Variants in NSA2 observed in about 807,000 individuals in gnomAD.
NSA2 encodes ribosome biogenesis protein NSA2 homolog.
Under a neutral mutation model 34.8 loss-of-function variants are expected in NSA2, and 18 were observed. The ratio of observed to expected loss-of-function variants is 0.52; its 90% confidence interval spans 0.36 to 0.77. The LOEUF is 0.77. Ranked by LOEUF, NSA2 falls within the 30% of genes least tolerant of loss-of-function variation. The pLI, the probability that NSA2 is intolerant of heterozygous loss-of-function variation, is 0.00. For synonymous variants in NSA2, 79 were observed against 100.2 expected (o/e 0.79, Z 1.26); for missense variants, 188 against 314.7 (o/e 0.60, Z 3.05).
At chr5:74,774,899 C>T (rs1426665436) in intron 5 of NSA2, among the ~76,000 whole-genome samples, 1 of 152,098 alleles carries the variant, frequency 6.6e-6, no homozygotes, top group Non-Finnish European at 1.5e-5. Context: ...AGAAATAGAA[C>T]TATCTGTCCC....
At chr5:74,776,476 C>T in intron 5 of NSA2, 128 bp from the exon 6 acceptor site, 1 of 610,624 alleles carries the variant, frequency 1.6e-6, no homozygotes, top group Non-Finnish European at 3.0e-6. Context: ...ACACTGCAGC[C>T]TGGGGAATAA....
chr5:74,771,978 G>T (rs1161624085), intron 4 of NSA2, among the ~76,000 whole-genome samples: 3 of 152,244 alleles, frequency 2.0e-5, no homozygotes, highest in African/African-American at 7.2e-5. Context: ...CACCCCTGGG[G>T]AGAAACATAG....
chr5:74,771,243 G>A (rs539206654), intron 4 of NSA2, among the ~76,000 whole-genome samples: 15 of 151,010 alleles, frequency 9.9e-5, no homozygotes, highest in South Asian at 6.3e-4. Context: ...TCACGCCATT[G>A]CACTCCAGCC....
rs188664136 is a variant in NSA2 at position 74,778,498 on chromosome 5, T to C, written c.*1827T>C. ...CTGCTATAAGTAAATCTTTAATGAC[T>C]AGATGTTTTCCTTACCATCTACACT... On this transcript the variant is annotated 3_prime_UTR_variant, in exon 6 of 6. Transcript: ENST00000610426. 1.4e-3 allele frequency: 208 copies of C among 151,826 alleles called. 1 individual carries two copies. Among genetic ancestry groups the C allele is most frequent in the African/African-American group, 4.9e-3 (202 of 41,446 alleles). The allele number at this position is 151,826 out of a possible 1,614,324, so 9.4% of individuals were successfully genotyped here.
Position 74,776,711 on chromosome 5 carries a change from T to C in NSA2, c.*40T>C, listed in dbSNP as rs758906071. 1.0e-4 allele frequency: 97 copies of C among 969,220 alleles called. 2 individuals are homozygous for C. The Admixed American group carries it at 1.6e-3, about 16-fold the overall frequency. 60.0% of individuals were successfully genotyped at this position (969,220 alleles called of 1,614,324 possible). On this transcript the variant is annotated 3_prime_UTR_variant, in exon 6 of 6. Coordinates refer to ENST00000610426, the MANE Select transcript of NSA2 (RefSeq NM_014886.6). ...ATAATTATTGAGGACTACACACCAA[T>C]TGAAGAAACTGCCATTACTGTGATG...
rs575199102 is a variant in NSA2 at position 74,767,444 on chromosome 5, G to C, written c.3+81G>C. ...GAGGACTCTGGGGCGCTGGGGTAGG[G>C]GGTGAGCGGTGGTAGGCGGAAATGA... On this transcript the variant is annotated intron_variant, in intron 1 of 5. Coordinates refer to ENST00000610426, the MANE Select transcript of NSA2 (RefSeq NM_014886.6). The C allele has an allele frequency of 3.2e-6, 5 of 1,552,570 alleles. No homozygotes were observed. In the East Asian group the frequency reaches 1.1e-4, roughly 35 times the overall value.
intron 5 of NSA2, 37 bp downstream of exon 5, chr5:74,774,097 G>C (rs751489658): frequency 2.1e-6 from 3 of 1,420,356 alleles, no homozygotes. Context: ...GCTGTGTTCT[G>C]CAGTACTAAT....
chr5:74,768,304 A>G (rs1007211028), intron 1 of NSA2, among the ~76,000 whole-genome samples: 1 of 152,218 alleles, frequency 6.6e-6, no homozygotes, highest in Non-Finnish European at 1.5e-5. Context: ...TGAAGTTCCT[A>G]TACCTGCAGC....
chr5:74,779,779 T>C lies in NSA2; in HGVS notation c.*3108T>C, dbSNP rs1425704218. 1.3e-5 allele frequency: 2 copies of C among 152,212 alleles called. No homozygotes were observed. 9.4% of individuals were successfully genotyped at this position (152,212 alleles called of 1,614,324 possible). ...AAAATCTAACACAAATAGGAGCGTT[T>C]ACTATTTTTGTCTGCTTTAAGATTT... On this transcript the variant is annotated 3_prime_UTR_variant, in exon 6 of 6. Coordinates refer to ENST00000610426, the MANE Select transcript of NSA2 (RefSeq NM_014886.6).
At chr5:74,772,366 G>A (rs1013119403) in intron 4 of NSA2, among the ~76,000 whole-genome samples, 5 of 152,070 alleles carry the variant, frequency 3.3e-5, no homozygotes, top group African/African-American at 4.8e-5. Flanking sequence ...TGATCCGCCC[G>A]CCTTAGCCTC....
In NSA2 at chr5:74,778,582, T is replaced by C. The variant is rs908223105; in HGVS notation, c.*1911T>C. 3 of 133,000 alleles carry C rather than the reference T, an allele frequency of 2.3e-5. No individual in the cohort carries two copies. Among genetic ancestry groups the C allele is most frequent in the Admixed American group, 1.5e-4 (2 of 13,618 alleles). The allele number at this position is 133,000 out of a possible 1,614,324, so 8.2% of individuals were successfully genotyped here. ...AGTAGAAGACTGACGTTCTAAATCA[T>C]GCTGTTTGATTTTATAAAAAAATCA... On this transcript the variant is annotated 3_prime_UTR_variant, in exon 6 of 6. Transcript: ENST00000610426.
In NSA2 at chr5:74,770,682, G is replaced by T. The variant is rs1184232232; in HGVS notation, c.394G>T (p.Val132Leu). Residue 132 changes from valine (V) to leucine (L), a missense_variant, in exon 4 of 6, where the codon GTA becomes TTA. Transcript: ENST00000610426. Reference protein sequence around the residue: ...PKVRAQGETEVLKVIRTGKRK... With the variant: ...PKVRAQGETELLKVIRTGKRK... ...AGTACGTGCCCAGGGAGAAACAGAA[G>T]TATTAAAAGTTATTCGAACAGGAAA... The T allele has an allele frequency of 1.2e-6, 2 of 1,612,834 alleles. No individual in the cohort carries two copies. The highest frequency in any genetic ancestry group is 1.7e-6 in the Non-Finnish European group (2 of 1,179,318).
At chr5:74,769,554 T>TA in intron 3 of NSA2, 190 bp downstream of exon 3, 4 of 454,846 alleles carry the variant, frequency 8.8e-6, no homozygotes, top group Non-Finnish European at 1.5e-5. Flanking sequence ...ATTTAAGTTA[T>TA]AAAAAAAATT....
At chr5:74,772,109 T>A (rs991552945) in intron 4 of NSA2, among the ~76,000 whole-genome samples, 1 of 151,130 alleles carries the variant, frequency 6.6e-6, no homozygotes, top group Non-Finnish European at 1.5e-5. Flanking sequence ...ATAATCCTAG[T>A]GTTCAACCTG....
chr5:74,774,275 C>A (rs1157915618), intron 5 of NSA2, among the ~76,000 whole-genome samples: 1 of 152,096 alleles, frequency 6.6e-6, no homozygotes, highest in Non-Finnish European at 1.5e-5. Context: ...GTTTTAGTTA[C>A]ATAAGGTGTA....
At chr5:74,768,046 G>T (rs538770481) in intron 1 of NSA2, among the ~76,000 whole-genome samples, 1 of 152,276 alleles carries the variant, frequency 6.6e-6, no homozygotes, top group South Asian at 2.1e-4. Flanking sequence ...ACGCCTGGCC[G>T]CGTGTTTAAA....
intron 4 of NSA2, among the ~76,000 whole-genome samples, chr5:74,773,401 G>A (rs1580056206): frequency 6.6e-6 from 1 of 151,442 alleles, no homozygotes; most frequent in East Asian, 1.9e-4. Context: ...GGGAGGCTGA[G>A]GTGGGTGGAT....
intron 3 of NSA2, 53 bp from the exon 4 acceptor site, chr5:74,770,578 T>C (rs971374355): frequency 2.2e-6 from 3 of 1,347,714 alleles, no homozygotes; most frequent in Admixed American, 2.3e-5. Flanking sequence ...ATTTGACTTA[T>C]TCTCATTGTC....
At position 74,767,280 on chromosome 5, in the gene NSA2, G is replaced by C; in HGVS notation, c.-81G>C. The C allele has an allele frequency of 6.4e-7, 1 of 1,574,160 alleles. No homozygotes were observed. The highest frequency in any genetic ancestry group is 8.7e-7 in the Non-Finnish European group (1 of 1,145,224). The stretch of plus-strand genomic sequence containing the variant: ...TCCTGTCCCGGCCTGCGTGGTGTGG[G>C]CTTGTGGGTCTTTGAGACCCGAAAA... On this transcript the variant is annotated 5_prime_UTR_variant, in exon 1 of 6. Coordinates refer to ENST00000610426, the MANE Select transcript of NSA2 (RefSeq NM_014886.6).
Sources: allele counts gnomAD v4.1 joint callset (sites outside exome capture counted in the v4.1 genomes callset), GRCh38; gene constraint gnomAD v4.1.1; transcripts MANE v1.5; gene names NCBI Gene and HGNC (gene_info 2026-07-23, HGNC 2026-07-21).